COL18A1: variants seen among roughly 807,000 people sequenced by gnomAD.
COL18A1 encodes collagen alpha-1(XVIII) chain.
Under a neutral mutation model 168.0 loss-of-function variants are expected in COL18A1, and 133 were observed. The observed-to-expected ratio is 0.79, with a 90% CI of 0.69 to 0.91. The LOEUF is 0.91. Among genes scored for constraint, COL18A1 ranks in the 40% least tolerant of loss-of-function variants. The pLI is 0.00. For synonymous variants in COL18A1, 949 were observed against 809.0 expected, an observed-to-expected ratio of 1.17 and a Z score of -2.94; for missense variants, 2,126 against 1,925.4, an observed-to-expected ratio of 1.10 and a Z score of -1.95.
intron 14 of COL18A1, chr21:45,482,480 A>T (rs2035934978): frequency 1.8e-6 from 1 of 566,426 alleles, no homozygotes; most frequent in Admixed American, 2.9e-5. Context: ...CGGGCTGTAA[A>T]TGCCCCTCAC....
At chr21:45,417,015 A>G (rs1026291846) in intron 2 of COL18A1, among the ~76,000 whole-genome samples, 5 of 152,184 alleles carry the variant, frequency 3.3e-5, no homozygotes, top group African/African-American at 4.8e-5. Flanking sequence ...TTCTGTTTTC[A>G]GCAGAAATAA....
chr21:45,505,163 G>A lies in COL18A1; in HGVS notation c.2898G>A (p.Gln966=). 2 of 1,608,116 alleles carry A rather than the reference G, an allele frequency of 1.2e-6. No homozygotes were observed. Among genetic ancestry groups the A allele is most frequent in the African/African-American group, 1.3e-5 (1 of 74,922 alleles). ...PGPKGESIRG[Q]PGPPGPQGPP... The stretch of plus-strand genomic sequence containing the variant: ...CCAAGGGAGAGAGCATCCGGGGCCA[G>A]CCCGGCCCACCTGGACCTCAGGGAC... The change falls in exon 35 of 42, where the codon CAG becomes CAA. Residue 966 remains glutamine, a synonymous_variant. Transcript: ENST00000651438.
chr21:45,509,527 A>G lies in COL18A1; in HGVS notation c.3421A>G (p.Ser1141Gly), dbSNP rs748677532. 9.8e-6 allele frequency: 15 copies of G among 1,536,420 alleles called. No individual in the cohort carries two copies. Among genetic ancestry groups the G allele is most frequent in the African/African-American group, 1.4e-5 (1 of 73,234 alleles). ...PQPYPGAPHH[S>G]SYVHLRPARP... Reference sequence around the variant, plus strand: ...GCCCTACCCCGGAGCCCCGCACCACAGCTCCTACGTGCACCTGCGGCCGGC... The same window carrying G: ...GCCCTACCCCGGAGCCCCGCACCACGGCTCCTACGTGCACCTGCGGCCGGC... The change falls in exon 39 of 42, where the codon AGC (serine) becomes GGC (glycine). Residue 1141 changes from serine (S) to glycine (G), a missense_variant. By Grantham distance (56) the Ser-to-Gly change is moderately conservative (BLOSUM62 0). Coordinates refer to ENST00000651438, the MANE Select transcript of COL18A1 (RefSeq NM_001379500.1).
chr21:45,477,923 G>A lies in COL18A1; in HGVS notation c.1179G>A (p.Gly393=), dbSNP rs1248655730. The part of the protein sequence containing the change: ...QTVPGPQGPP[G]PPGRDGTPGR... The stretch of plus-strand genomic sequence containing the variant: ...TCCCCGGACCACAAGGACCCCCAGG[G>A]CCTCCGGGGAGGGACGGCACCCCTG... Residue 393 remains glycine, a synonymous_variant, in exon 8 of 42, where the codon GGG becomes GGA. Coordinates refer to ENST00000651438, the MANE Select transcript of COL18A1 (RefSeq NM_001379500.1). The A allele has an allele frequency of 6.4e-7, 1 of 1,565,088 alleles. No homozygotes were observed. The highest frequency in any genetic ancestry group is 1.2e-5 in the South Asian group (1 of 85,374).
intron 2 of COL18A1, chr21:45,455,992 C>A: frequency 6.2e-7 from 1 of 1,612,962 alleles, no homozygotes; most frequent in East Asian, 2.2e-5. Flanking sequence ...CCCTTGCCCT[C>A]GCTGGGCCTT....
chr21:45,440,963 G>C (rs989538236), intron 2 of COL18A1, among the ~76,000 whole-genome samples: 1 of 152,194 alleles, frequency 6.6e-6, no homozygotes, highest in Non-Finnish European at 1.5e-5. Flanking sequence ...ACCACGGGAC[G>C]CTCACTCATA....
chr21:45,410,938 C>G (rs1414049560), intron 2 of COL18A1, among the ~76,000 whole-genome samples: 1 of 152,074 alleles, frequency 6.6e-6, no homozygotes, highest in East Asian at 1.9e-4. Context: ...TCTGGACACA[C>G]CTGGGCAGGC....
intron 18 of COL18A1, among the ~76,000 whole-genome samples, chr21:45,488,918 G>GC (rs1412045357): frequency 7.4e-4 from 112 of 151,974 alleles, no homozygotes; most frequent in Non-Finnish European, 4.6e-4. Context: ...CCCCACCCAG[G>GC]CCCCGAAGCT....
At position 45,491,121 on chromosome 21, in the gene COL18A1, C is replaced by T. The variant is rs1399868022; in HGVS notation, c.2068-104C>T. ...CAGTCCACAGCCCCGGGCGCCTCCT[C>T]ACCCACCGTGGGCTCTGGGCACCCC... On this transcript the variant is annotated intron_variant, in intron 21 of 41. Coordinates refer to ENST00000651438, the MANE Select transcript of COL18A1 (RefSeq NM_001379500.1). The T allele has an allele frequency of 2.4e-5, 26 of 1,078,732 alleles. No homozygotes were observed. In the South Asian group the frequency reaches 2.9e-4, roughly 12 times the overall value. The allele number at this position is 1,078,732 out of a possible 1,614,324, so 66.8% of individuals were successfully genotyped here.
intron 2 of COL18A1, among the ~76,000 whole-genome samples, chr21:45,412,715 G>A (rs1362741552): frequency 6.6e-6 from 1 of 152,264 alleles, no homozygotes; most frequent in African/African-American, 2.4e-5. Flanking sequence ...GAGGGGCCGT[G>A]AGGGTCCTGC....
chr21:45,445,356 G>A (rs1052331781), intron 2 of COL18A1, among the ~76,000 whole-genome samples: 1 of 152,214 alleles, frequency 6.6e-6, no homozygotes, highest in African/African-American at 2.4e-5. Flanking sequence ...TATGGATTCA[G>A]CATTTGGTGG....
intron 2 of COL18A1, among the ~76,000 whole-genome samples, chr21:45,439,242 T>G (rs902806822): frequency 6.6e-6 from 1 of 152,204 alleles, no homozygotes; most frequent in Non-Finnish European, 1.5e-5. Flanking sequence ...GGCCTGCTCT[T>G]CCGCAGCACC....
chr21:45,449,639 GT>G (rs2034578757), intron 2 of COL18A1, among the ~76,000 whole-genome samples: 1 of 152,196 alleles, frequency 6.6e-6, no homozygotes, highest in African/African-American at 2.4e-5. Flanking sequence ...TAGACAGGGT[GT>G]GGCCACACTC....
At chr21:45,421,192 A>G in intron 2 of COL18A1, 1 of 355,728 alleles carries the variant, frequency 2.8e-6, no homozygotes, top group Non-Finnish European at 5.6e-6. Context: ...TAGAGAAGGG[A>G]CCTTGGCCAG....
chr21:45,507,477 C>T (rs1304674803), intron 37 of COL18A1, 84 bp from the exon 38 acceptor site: 16 of 383,716 alleles, frequency 4.2e-5, no homozygotes, highest in Admixed American at 2.6e-4. Context: ...GGTGCTGGGG[C>T]GGGAGAGTCG....
Position 45,468,682 on chromosome 21 carries a change from T to C in COL18A1, c.547T>C (p.Phe183Leu), listed in dbSNP as rs779928451. Residue 183 changes from phenylalanine (F) to leucine (L), a missense_variant, in exon 3 of 42, where the codon TTC (phenylalanine) becomes CTC (leucine). By Grantham distance (22) the Phe-to-Leu change is conservative (BLOSUM62 0). Transcript: ENST00000651438. ...FVALYVDCEE[F>L]QRMPLARSSR... ...GGCCCTCTACGTGGACTGTGAGGAG[T>C]TCCAGAGAATGCCGCTTGCTCGGTC... 2.4e-5 allele frequency: 38 copies of C among 1,613,550 alleles called. No individual in the cohort carries two copies. The highest frequency in any genetic ancestry group is 3.3e-4 in the Middle Eastern group (2 of 6,058).
At chr21:45,495,107 G>C (rs927295731) in intron 28 of COL18A1, 192 bp downstream of exon 28, 5 of 653,102 alleles carry the variant, frequency 7.7e-6, no homozygotes, top group Non-Finnish European at 1.4e-5. Flanking sequence ...CGAGGGGCCA[G>C]TACCCAGGAG....
In COL18A1 at chr21:45,487,412, C is replaced by T. The variant is rs148885040; in HGVS notation, c.1834-35C>T. 1.2e-5 allele frequency: 19 copies of T among 1,610,332 alleles called. No individual in the cohort carries two copies. In the Admixed American group the frequency reaches 2.3e-4, roughly 20 times the overall value. On this transcript the variant is annotated intron_variant, in intron 16 of 41. Transcript: ENST00000651438. ...GGAGGGGTCCTTCCCTAAGAAGGGACACAGGCCCCTACGTGTCTCGTGTGT... is the reference window on the plus strand; with the variant it reads ...GGAGGGGTCCTTCCCTAAGAAGGGATACAGGCCCCTACGTGTCTCGTGTGT...
chr21:45,426,806 T>C (rs2033817336), intron 2 of COL18A1, among the ~76,000 whole-genome samples: 2 of 152,210 alleles, frequency 1.3e-5, no homozygotes, highest in Non-Finnish European at 1.5e-5. Flanking sequence ...CTGTCTTTTC[T>C]CCTCTGTTGA....
Sources: allele counts gnomAD v4.1 joint callset (sites outside exome capture counted in the v4.1 genomes callset), GRCh38; gene constraint gnomAD v4.1.1; transcripts MANE v1.5; gene names NCBI Gene and HGNC (gene_info 2026-07-23, HGNC 2026-07-21).